Variants in RNF13 observed in about 807,000 individuals in gnomAD.
The protein encoded by RNF13 is E3 ubiquitin-protein ligase RNF13.
In RNF13, 19 loss-of-function variants were observed where a neutral mutation model predicts 37.7. The ratio of observed to expected loss-of-function variants is 0.50; its 90% CI spans 0.35 to 0.74. The LOEUF (loss-of-function observed/expected upper bound fraction) is 0.74, where lower values mean the gene tolerates loss of function less well. RNF13 is among the 30% of genes least tolerant of loss of function. The pLI, the probability that RNF13 is intolerant of heterozygous loss-of-function variation, is 0.01. For missense variants in RNF13, 375 were observed against 453.0 expected, an observed-to-expected ratio of 0.83 and a Z score of 1.56; for synonymous variants, 144 against 157.8, an observed-to-expected ratio of 0.91 and a Z score of 0.65.
intron 5 of RNF13, among the ~76,000 whole-genome samples, chr3:149,897,786 C>T (rs1715422870): frequency 6.6e-6 from 1 of 152,032 alleles, no homozygotes; most frequent in South Asian, 2.1e-4. Flanking sequence ...AAGGCCTTTC[C>T]TAGGAATACT....
At chr3:149,819,807 T>G (rs1386327331) in intron 1 of RNF13, among the ~76,000 whole-genome samples, 2 of 152,246 alleles carry the variant, frequency 1.3e-5, no homozygotes, top group African/African-American at 2.4e-5. Context: ...AGTAACATAA[T>G]CAGGCATTTT....
At chr3:149,817,991 T>TTC (rs1459778864) in intron 1 of RNF13, among the ~76,000 whole-genome samples, 1 of 152,176 alleles carries the variant, frequency 6.6e-6, no homozygotes, top group Non-Finnish European at 1.5e-5. Flanking sequence ...TACAATTGGG[T>TTC]AGAGCATGAT....
Position 149,960,750 on chromosome 3 carries a change from C to T in RNF13, c.792C>T (p.Cys264=). 17 of 1,607,108 alleles carry T rather than the reference C, an allele frequency of 1.1e-5. No individual in the cohort carries two copies. Among genetic ancestry groups the T allele is most frequent in the Non-Finnish European group, 1.4e-5 (17 of 1,177,484 alleles). Residue 264 remains cysteine (C), a synonymous_variant, in exon 10 of 10, where the codon TGC becomes TGT. Coordinates refer to ENST00000392894, the MANE Select transcript of RNF13 (RefSeq NM_183381.3). ...ATTTTGCTTCAACAGCTTATCACTG[C>T]AAGTGTGTAGACCCTTGGCTAACTA... The part of the protein sequence containing the change: ...RILPCSHAYH[C]KCVDPWLTKT...
In RNF13 at chr3:149,960,937, T is replaced by G. The variant is rs1261603377; in HGVS notation, c.979T>G (p.Ser327Ala). 6.2e-7 allele frequency: 1 copy of G among 1,614,214 alleles called. No homozygotes were observed. Among genetic ancestry groups the G allele is most frequent in the Non-Finnish European group, 8.5e-7 (1 of 1,180,034 alleles). Reference protein sequence around the residue: ...SVSAQSFGALSESRSHQNMTE... With the variant: ...SVSAQSFGALAESRSHQNMTE... Reference sequence around the variant, plus strand: ...CAGTGCCCAGTCATTTGGGGCTTTATCGGAATCCCGCTCACATCAGAACAT... The same window carrying G: ...CAGTGCCCAGTCATTTGGGGCTTTAGCGGAATCCCGCTCACATCAGAACAT... Residue 327 changes from serine (S) to alanine (A), a missense_variant, in exon 10 of 10, where the codon TCG becomes GCG. By Grantham distance (99) the Ser-to-Ala change is moderately conservative (BLOSUM62 1). Transcript: ENST00000392894.
intron 4 of RNF13, among the ~76,000 whole-genome samples, chr3:149,879,219 G>A (rs1163789669): frequency 1.3e-5 from 2 of 151,794 alleles, no homozygotes; most frequent in Non-Finnish European, 2.9e-5. Context: ...ATGAATTTCT[G>A]TGTACTCAAT....
intron 8 of RNF13, among the ~76,000 whole-genome samples, chr3:149,929,726 TAG>T (rs756106907): frequency 6.6e-6 from 1 of 152,164 alleles, no homozygotes; most frequent in Non-Finnish European, 1.5e-5. Context: ...CCCTACTATA[TAG>T]GTTCATTTTT....
intron 8 of RNF13, among the ~76,000 whole-genome samples, chr3:149,943,918 C>T (rs1035742879): frequency 2.0e-5 from 3 of 151,906 alleles, no homozygotes; most frequent in Admixed American, 1.3e-4. Context: ...CCCATTAACT[C>T]GTTATTTAGC....
chr3:149,923,811 C>T (rs1400225828), intron 8 of RNF13, among the ~76,000 whole-genome samples: 1 of 150,804 alleles, frequency 6.6e-6, no homozygotes, highest in Non-Finnish European at 1.5e-5. Flanking sequence ...GTGATACTGT[C>T]CTGGGTTTAA....
intron 4 of RNF13, among the ~76,000 whole-genome samples, chr3:149,872,682 T>C (rs1712214506): frequency 6.6e-6 from 1 of 152,238 alleles, no homozygotes; most frequent in African/African-American, 2.4e-5. Flanking sequence ...GAGGCCTATG[T>C]AAAATAAACC....
chr3:149,878,992 A>G (rs942569084), intron 4 of RNF13, among the ~76,000 whole-genome samples: 4 of 152,206 alleles, frequency 2.6e-5, no homozygotes, highest in African/African-American at 9.6e-5. Flanking sequence ...TAGAAGGTAG[A>G]CATTAAAGTG....
intron 8 of RNF13, among the ~76,000 whole-genome samples, chr3:149,945,758 G>GAA (rs1720713844): frequency 1.3e-5 from 2 of 152,170 alleles, no homozygotes; most frequent in Non-Finnish European, 2.9e-5. Flanking sequence ...TTGCTGTTCA[G>GAA]CCATATTCGC....
intron 1 of RNF13, among the ~76,000 whole-genome samples, chr3:149,835,709 C>A (rs1308970031): frequency 1.3e-5 from 2 of 149,868 alleles, no homozygotes; most frequent in African/African-American, 4.9e-5. Flanking sequence ...ATTTCTTTAT[C>A]CAGTAGTTGA....
intron 5 of RNF13, among the ~76,000 whole-genome samples, chr3:149,901,386 C>G (rs79578027): frequency 6.6e-6 from 1 of 152,120 alleles, no homozygotes; most frequent in East Asian, 1.9e-4. Context: ...GTTTTTCTTT[C>G]TATTCCTGAG....
At chr3:149,917,187 C>T (rs2108528271) in intron 7 of RNF13, among the ~76,000 whole-genome samples, 1 of 152,222 alleles carries the variant, frequency 6.6e-6, no homozygotes, top group Non-Finnish European at 1.5e-5. Flanking sequence ...TTCAGCTCCA[C>T]CATCTTTGTT....
intron 1 of RNF13, among the ~76,000 whole-genome samples, chr3:149,838,786 C>G (rs1389235331): frequency 6.6e-6 from 1 of 151,440 alleles, no homozygotes; most frequent in African/African-American, 2.4e-5. Flanking sequence ...TTTGGCTCCT[C>G]GTTACTTAAG....
At position 149,895,492 on chromosome 3, in the gene RNF13, C is replaced by T; in HGVS notation, c.341C>T (p.Ala114Val). 2 of 1,591,432 alleles carry T rather than the reference C, an allele frequency of 1.3e-6. No homozygotes were observed. The highest frequency in any genetic ancestry group is 1.1e-5 in the South Asian group (1 of 88,058). ...FDIKVLNAQR[A>V]GYKAAIVHNV... is the part of the protein sequence containing the mutation. ...TTGCAGGTTTTAAATGCACAGAGAG[C>T]AGGATACAAGGCAGCCATAGTTCAC... Residue 114 changes from alanine to valine, a missense_variant, in exon 5 of 10, where the codon GCA (alanine) becomes GTA (valine). Ala to Val is a moderately conservative substitution (Grantham distance 64). Transcript: ENST00000392894.
intron 8 of RNF13, among the ~76,000 whole-genome samples, chr3:149,927,747 C>G (rs1348794243): frequency 6.6e-6 from 1 of 152,096 alleles, no homozygotes; most frequent in African/African-American, 2.4e-5. Flanking sequence ...TGCTTATTGT[C>G]CACTTGGATA....
chr3:149,953,737 G>A (rs1721581509), intron 8 of RNF13, among the ~76,000 whole-genome samples: 1 of 152,170 alleles, frequency 6.6e-6, no homozygotes, highest in African/African-American at 2.4e-5. Flanking sequence ...TATTGGCTGT[G>A]TGACCTTGTG....
At chr3:149,897,687 A>G (rs1303644935) in intron 5 of RNF13, among the ~76,000 whole-genome samples, 1 of 152,146 alleles carries the variant, frequency 6.6e-6, no homozygotes, top group Non-Finnish European at 1.5e-5. Context: ...TGTTGTAAAG[A>G]TCTTTACCAT....
Sources: gnomAD v4.1 joint callset for allele counts (sites outside exome capture counted in the v4.1 genomes callset) on GRCh38, gnomAD v4.1.1 for gene constraint, MANE v1.5 for transcripts, NCBI Gene and HGNC (gene_info 2026-07-23, HGNC 2026-07-21) for gene names.